The following FIG4 variants were observed in gnomAD, a reference collection of about 807,000 sequenced individuals.
The protein encoded by FIG4 is polyphosphoinositide phosphatase.
In FIG4, 112 loss-of-function variants were observed where a neutral mutation model predicts 118.6. The ratio of observed to expected loss-of-function variants is 0.94; its 90% CI spans 0.81 to 1.11. The LOEUF (loss-of-function observed/expected upper bound fraction) is 1.11. Ranked by LOEUF, FIG4 falls within the 50% of genes least tolerant of loss-of-function variation. The pLI is 0.00. For synonymous variants in FIG4, 369 were observed against 381.2 expected (o/e 0.97, Z 0.37); for missense variants, 969 against 1,111.7 (o/e 0.87, Z 1.83).
chr6:109,697,744 A>G (rs1289742525), intron 1 of FIG4, among the ~76,000 whole-genome samples: 1 of 152,226 alleles, frequency 6.6e-6, no homozygotes, highest in Non-Finnish European at 1.5e-5. Context: ...GGCTGCAGAG[A>G]TTAAAGTTCA....
At chr6:109,698,846 A>G (rs889879734) in intron 1 of FIG4, among the ~76,000 whole-genome samples, 3 of 152,098 alleles carry the variant, frequency 2.0e-5, no homozygotes, top group African/African-American at 7.2e-5. Flanking sequence ...CTTGATCATG[A>G]TTTATTACTG....
At chr6:109,693,455 A>G (rs188362624) in intron 1 of FIG4, among the ~76,000 whole-genome samples, 2 of 152,300 alleles carry the variant, frequency 1.3e-5, no homozygotes, top group Non-Finnish European at 2.9e-5. Context: ...ACACAAAGAG[A>G]TAGAGGTGTG....
At chr6:109,730,565 A>G (rs1201305115) in intron 4 of FIG4, among the ~76,000 whole-genome samples, 1 of 152,210 alleles carries the variant, frequency 6.6e-6, no homozygotes. Context: ...AAGACTGCTA[A>G]GTATTGGTGG....
chr6:109,696,668 G>T (rs574789398), intron 1 of FIG4, among the ~76,000 whole-genome samples: 3 of 152,184 alleles, frequency 2.0e-5, no homozygotes, highest in Non-Finnish European at 2.9e-5. Context: ...TCATTCACAC[G>T]TGGGTGCTAA....
chr6:109,757,238 C>A (rs1040883592), intron 10 of FIG4, among the ~76,000 whole-genome samples: 2 of 151,938 alleles, frequency 1.3e-5, no homozygotes, highest in African/African-American at 2.4e-5. Context: ...TTGTTTTCTG[C>A]TAGCTTTTGA....
chr6:109,765,111 A>G lies in FIG4; in HGVS notation c.1533A>G (p.Ser511=), dbSNP rs767157443. ...GKCALAYQLY[S]LGLIDKPNLQ... ...GTGCTCTGGCCTATCAGCTGTATTC[A>G]CTGGGACTGATTGACAAACCTAATC... Residue 511 remains serine (S), a synonymous_variant, in exon 14 of 23, where the codon TCA becomes TCG. Coordinates refer to ENST00000230124, the MANE Select transcript of FIG4 (RefSeq NM_014845.6). 6.2e-7 allele frequency: 1 copy of G among 1,614,036 alleles called. No individual in the cohort carries two copies. The highest frequency in any genetic ancestry group is 2.2e-5 in the East Asian group (1 of 44,864).
At chr6:109,776,579 G>A (rs1188289768) in intron 15 of FIG4, among the ~76,000 whole-genome samples, 1 of 152,132 alleles carries the variant, frequency 6.6e-6, no homozygotes, top group Non-Finnish European at 1.5e-5. Flanking sequence ...ATAACAAATG[G>A]TGAGGATATA....
intron 13 of FIG4, 82 bp from the exon 14 acceptor site, chr6:109,764,931 G>GTTTTTTTTTTTT: frequency 7.7e-7 from 1 of 1,302,596 alleles, no homozygotes; most frequent in South Asian, 1.2e-5. Context: ...TTTTGTTTTT[G>GTTTTTTTTTTTT]TTTCTTAAAG....
chr6:109,823,370 G>A (rs1282320911), intron 22 of FIG4, among the ~76,000 whole-genome samples: 1 of 152,148 alleles, frequency 6.6e-6, no homozygotes, highest in African/African-American at 2.4e-5. Flanking sequence ...CTCATGAGCA[G>A]ACAACCTGCT....
At chr6:109,790,531 C>A (rs1194321653) in intron 19 of FIG4, among the ~76,000 whole-genome samples, 3 of 152,184 alleles carry the variant, frequency 2.0e-5, no homozygotes, top group African/African-American at 7.2e-5. Flanking sequence ...ACGTTACCAA[C>A]TTTAATTTTT....
chr6:109,700,111 A>G (rs1363435471), intron 1 of FIG4, among the ~76,000 whole-genome samples: 4 of 152,230 alleles, frequency 2.6e-5, no homozygotes, highest in Non-Finnish European at 5.9e-5. Context: ...AGGTTTCAAC[A>G]TATGAATTTT....
intron 16 of FIG4, among the ~76,000 whole-genome samples, chr6:109,781,818 T>C (rs1003841729): frequency 4.2e-5 from 6 of 141,528 alleles, no homozygotes; most frequent in African/African-American, 2.5e-5. Context: ...AAGTACTTGA[T>C]GAAAAATGTT....
intron 22 of FIG4, among the ~76,000 whole-genome samples, chr6:109,812,649 T>C (rs1469415871): frequency 6.6e-6 from 1 of 152,128 alleles, no homozygotes; most frequent in South Asian, 2.1e-4. Flanking sequence ...TTATTAATGA[T>C]CCTGATGAGA....
In FIG4 at chr6:109,732,703, G is replaced by A; in HGVS notation, c.497+16G>A. 2 of 1,509,136 alleles carry A rather than the reference G, an allele frequency of 1.3e-6. No individual in the cohort carries two copies. The highest frequency in any genetic ancestry group is 1.8e-6 in the Non-Finnish European group (2 of 1,092,734). 93.5% of individuals were successfully genotyped at this position (1,509,136 alleles called of 1,614,324 possible). On this transcript the variant is annotated intron_variant, in intron 5 of 22. Transcript: ENST00000230124. ...TTTACTTTAGGTAAGTGTGAGGTTAGTTTTGCTCCTATCAATCACATAAAC... is the reference window on the plus strand; with the variant it reads ...TTTACTTTAGGTAAGTGTGAGGTTAATTTTGCTCCTATCAATCACATAAAC...
chr6:109,820,412 AC>A (rs955761068), intron 22 of FIG4, among the ~76,000 whole-genome samples: 1 of 151,678 alleles, frequency 6.6e-6, no homozygotes, highest in South Asian at 2.1e-4. Flanking sequence ...CCTCACCCGC[AC>A]CCCCCAAGTC....
chr6:109,813,666 C>T (rs1333450608), intron 22 of FIG4, among the ~76,000 whole-genome samples: 1 of 152,156 alleles, frequency 6.6e-6, no homozygotes, highest in African/African-American at 2.4e-5. Flanking sequence ...TATTCATATC[C>T]TCTTGTAATC....
chr6:109,723,359 G>A (rs1299425346), intron 3 of FIG4, among the ~76,000 whole-genome samples: 1 of 152,108 alleles, frequency 6.6e-6, no homozygotes, highest in Non-Finnish European at 1.5e-5. Context: ...TAATGCTGCT[G>A]AACATTAATG....
At chr6:109,796,609 T>G (rs1466793891) in intron 21 of FIG4, among the ~76,000 whole-genome samples, 156 bp from the exon 22 acceptor site, 1 of 152,252 alleles carries the variant, frequency 6.6e-6, no homozygotes, top group Non-Finnish European at 1.5e-5. Flanking sequence ...CACTTTAAAA[T>G]CAGGCAAAGT....
Position 109,811,499 on chromosome 6 carries a change from T to A in FIG4, c.2547-13589T>A, listed in dbSNP as rs145399587. 7.0e-4 allele frequency among the ~76,000 whole-genome samples: 107 copies of A among 152,336 alleles called. 1 individual carries two copies. The highest frequency in any genetic ancestry group is 2.5e-3 in the African/African-American group (104 of 41,580). The stretch of plus-strand genomic sequence containing the variant: ...CAAGTCATCTAATAGTTGGAATCAT[T>A]AACAGCTTGAAAGAACGTAGGTGAT... On this transcript the variant is annotated intron_variant, in intron 22 of 22. Coordinates refer to ENST00000230124, the MANE Select transcript of FIG4 (RefSeq NM_014845.6).
Sources: gnomAD v4.1 joint callset for allele counts (sites outside exome capture counted in the v4.1 genomes callset) on GRCh38, gnomAD v4.1.1 for gene constraint, MANE v1.5 for transcripts, NCBI Gene and HGNC (gene_info 2026-07-23, HGNC 2026-07-21) for gene names.